ASTN1: variants seen among roughly 807,000 people sequenced by gnomAD.
ASTN1 encodes the protein astrotactin-1.
ASTN1 carries 41 observed loss-of-function variants against 140.7 expected under a neutral mutation model. The ratio of observed to expected loss-of-function variants is 0.29; its 90% CI spans 0.23 to 0.38. The LOEUF is 0.38. Ranked by LOEUF, ASTN1 falls within the 10% of genes least tolerant of loss-of-function variation. The pLI is 1.00. For synonymous variants in ASTN1, 640 were observed against 652.2 expected (o/e 0.98, Z 0.29); for missense variants, 1,479 against 1,678.8 (o/e 0.88, Z 2.08).
At chr1:177,026,861 C>T (rs570165396) in intron 5 of ASTN1, among the ~76,000 whole-genome samples, 18 of 152,292 alleles carry the variant, frequency 1.2e-4, no homozygotes, top group South Asian at 4.2e-4. Flanking sequence ...CTGCCTCAAG[C>T]TCACCCTGCT....
At chr1:176,872,894 T>C (rs1668407782) in intron 21 of ASTN1, among the ~76,000 whole-genome samples, 1 of 152,186 alleles carries the variant, frequency 6.6e-6, no homozygotes, top group African/African-American at 2.4e-5. Flanking sequence ...GCCCTCCTTA[T>C]GTATCTCCAT....
intron 1 of ASTN1, among the ~76,000 whole-genome samples, chr1:177,090,156 C>A (rs542296064): frequency 6.6e-6 from 1 of 151,724 alleles, no homozygotes; most frequent in African/African-American, 2.4e-5. Context: ...TCAATTTTTA[C>A]GAGAGCCAAC....
chr1:177,033,760 G>A (rs1355556324), intron 2 of ASTN1, among the ~76,000 whole-genome samples: 3 of 152,246 alleles, frequency 2.0e-5, no homozygotes, highest in South Asian at 4.2e-4. Flanking sequence ...CCAACACCTC[G>A]AAGGTCATTC....
intron 17 of ASTN1, among the ~76,000 whole-genome samples, chr1:176,890,975 T>C (rs1175894621): frequency 6.6e-6 from 1 of 151,848 alleles, no homozygotes; most frequent in Non-Finnish European, 1.5e-5. Flanking sequence ...TGCAGTGAGC[T>C]GAGATCATAC....
At chr1:176,936,765 C>A (rs1280111962) in intron 14 of ASTN1, among the ~76,000 whole-genome samples, 1 of 152,150 alleles carries the variant, frequency 6.6e-6, no homozygotes, top group East Asian at 1.9e-4. Context: ...GGCTACCTGG[C>A]AAATAGGTTT....
intron 2 of ASTN1, among the ~76,000 whole-genome samples, chr1:177,059,687 T>C (rs1218659141): frequency 1.3e-5 from 2 of 152,220 alleles, no homozygotes; most frequent in Admixed American, 6.5e-5. Flanking sequence ...TTTGAGATTT[T>C]ATCAGAGATT....
chr1:176,888,409 T>A (rs1384199532), intron 17 of ASTN1, among the ~76,000 whole-genome samples: 1 of 152,152 alleles, frequency 6.6e-6, no homozygotes, highest in African/African-American at 2.4e-5. Flanking sequence ...AGGGTGTCCA[T>A]CTCCCTTTAC....
At chr1:176,956,680 C>T in intron 11 of ASTN1, among the ~76,000 whole-genome samples, 1 of 152,192 alleles carries the variant, frequency 6.6e-6, no homozygotes, top group East Asian at 1.9e-4. Context: ...ATTCCCTCTC[C>T]TCTCTTGAGG....
chr1:177,130,347 C>T (rs914337775), intron 1 of ASTN1, among the ~76,000 whole-genome samples: 2 of 152,046 alleles, frequency 1.3e-5, no homozygotes, highest in Non-Finnish European at 2.9e-5. Context: ...ACCCTCCCGC[C>T]GCAGACCTAT....
chr1:177,007,071 C>A (rs565391484), intron 8 of ASTN1, among the ~76,000 whole-genome samples: 3 of 152,304 alleles, frequency 2.0e-5, no homozygotes, highest in African/African-American at 7.2e-5. Flanking sequence ...GGGCAAGTTA[C>A]TTTACCTCTC....
downstream of ASTN1, among the ~76,000 whole-genome samples, chr1:176,860,162 C>T (rs1346120952): frequency 6.6e-6 from 1 of 152,180 alleles, no homozygotes; most frequent in Non-Finnish European, 1.5e-5. Flanking sequence ...CCTTTTACGA[C>T]TTAGGCTTGA....
chr1:177,090,934 G>T (rs1289905743), intron 1 of ASTN1, among the ~76,000 whole-genome samples: 1 of 151,768 alleles, frequency 6.6e-6, no homozygotes, highest in Non-Finnish European at 1.5e-5. Context: ...TTTTCTAGAT[G>T]GGTGGGGGGC....
At chr1:176,962,906 T>C (rs974765181) in intron 9 of ASTN1, among the ~76,000 whole-genome samples, 2 of 152,220 alleles carry the variant, frequency 1.3e-5, no homozygotes, top group Non-Finnish European at 2.9e-5. Flanking sequence ...TTTGGTTATA[T>C]GTGTAGCATC....
At position 177,061,242 on chromosome 1, in the gene ASTN1, T is replaced by A; in HGVS notation, c.307A>T (p.Ile103Phe). 6.3e-7 allele frequency: 1 copy of A among 1,582,596 alleles called. No individual in the cohort carries two copies. Among genetic ancestry groups the A allele is most frequent in the South Asian group, 1.2e-5 (1 of 85,364 alleles). ...VLEISGNTED[I>F]PLVRWRQQWL... ...TGCTGCCTCCAGCGCACCAAAGGGATATCCTCTGTGTTCCCTGAGATCTCT... is the reference window on the plus strand; with the variant it reads ...TGCTGCCTCCAGCGCACCAAAGGGAAATCCTCTGTGTTCCCTGAGATCTCT... Residue 103 changes from isoleucine to phenylalanine, a missense_variant, in exon 2 of 23, where the codon ATC becomes TTC. Ile to Phe is a conservative substitution (Grantham distance 21). Coordinates refer to ENST00000361833, the MANE Select transcript of ASTN1 (RefSeq NM_004319.3).
At position 176,861,517 on chromosome 1, in the gene ASTN1, T is replaced by C. The variant is rs1667960927; in HGVS notation, c.*2767A>G. On this transcript the variant is annotated 3_prime_UTR_variant, in exon 23 of 23. Transcript: ENST00000361833. ...AGGATGGGTTCCTTCAGGTAAGCATTAGGAAAAGTCAGCAGGTTGAGATCA... is the reference window on the plus strand; with the variant it reads ...AGGATGGGTTCCTTCAGGTAAGCATCAGGAAAAGTCAGCAGGTTGAGATCA... The C allele has an allele frequency of 3.0e-6, 3 of 985,736 alleles. No homozygotes were observed. The highest frequency in any genetic ancestry group is 2.3e-4 in the East Asian group (2 of 8,820). 61.1% of individuals were successfully genotyped at this position (985,736 alleles called of 1,614,324 possible). A position where few individuals can be genotyped will look rare whatever the true frequency, so the allele number is the denominator to read the frequency against.
intron 1 of ASTN1, among the ~76,000 whole-genome samples, chr1:177,128,163 A>T (rs1681760381): frequency 6.6e-6 from 1 of 152,200 alleles, no homozygotes; most frequent in South Asian, 2.1e-4. Flanking sequence ...ATAATTTTGA[A>T]AAGGAGTCAT....
chr1:176,940,562 C>T (rs1304002255), intron 14 of ASTN1, among the ~76,000 whole-genome samples: 3 of 152,162 alleles, frequency 2.0e-5, no homozygotes, highest in Non-Finnish European at 4.4e-5. Context: ...TTCCTTTTTT[C>T]TCTCTAAAGC....
At chr1:177,086,635 TAG>T (rs1234235906) in intron 1 of ASTN1, among the ~76,000 whole-genome samples, 11 of 152,126 alleles carry the variant, frequency 7.2e-5, no homozygotes, top group Non-Finnish European at 1.0e-4. Context: ...ACTCACAAAA[TAG>T]AGTCAAATGA....
chr1:177,095,691 C>T (rs980800495), intron 1 of ASTN1, among the ~76,000 whole-genome samples: 2 of 152,210 alleles, frequency 1.3e-5, no homozygotes, highest in East Asian at 1.9e-4. Context: ...GCATCACAAA[C>T]CAGGCAGAGG....
Sources: gnomAD v4.1 joint callset for allele counts (sites outside exome capture counted in the v4.1 genomes callset) on GRCh38, gnomAD v4.1.1 for gene constraint, MANE v1.5 for transcripts, NCBI Gene and HGNC (gene_info 2026-07-23, HGNC 2026-07-21) for gene names.